Variants in LRRC4C observed in about 807,000 individuals in gnomAD.
LRRC4C encodes leucine rich repeat containing 4C.
A neutral mutation model predicts 33.6 loss-of-function variants in LRRC4C; 5 were observed. The ratio of observed to expected loss-of-function variants is 0.15; its 90% confidence interval spans 0.08 to 0.31. The LOEUF is 0.31. LRRC4C is among the 10% of genes least tolerant of loss of function. The pLI, the probability that LRRC4C is intolerant of heterozygous loss-of-function variation, is 1.00. For synonymous variants in LRRC4C, 329 were observed against 302.0 expected, an observed-to-expected ratio of 1.09 and a Z score of -0.93; for missense variants, 560 against 796.7, an observed-to-expected ratio of 0.70 and a Z score of 3.58.
chr11:40,600,475 T>G (rs969819078), intron 3 of LRRC4C, among the ~76,000 whole-genome samples: 9 of 152,226 alleles, frequency 5.9e-5, no homozygotes, highest in African/African-American at 1.9e-4. Context: ...AGGACACTGC[T>G]GGCATTTTGG....
At chr11:41,268,254 T>G (rs1648492173) in intron 1 of LRRC4C, among the ~76,000 whole-genome samples, 1 of 152,100 alleles carries the variant, frequency 6.6e-6, no homozygotes. Context: ...ACTGTATGGA[T>G]GGGATCACTG....
chr11:40,126,175 A>C (rs1194413207), intron 6 of LRRC4C, among the ~76,000 whole-genome samples: 1 of 151,910 alleles, frequency 6.6e-6, no homozygotes, highest in African/African-American at 2.4e-5. Flanking sequence ...AAAAAAAAAA[A>C]AACCCACCTG....
intron 6 of LRRC4C, among the ~76,000 whole-genome samples, chr11:40,125,194 T>C (rs1407017817): frequency 6.6e-6 from 1 of 152,076 alleles, no homozygotes; most frequent in African/African-American, 2.4e-5. Context: ...GGAAGTCAGC[T>C]GAGGGATTTC....
At chr11:40,209,077 A>C (rs939965218) in intron 5 of LRRC4C, among the ~76,000 whole-genome samples, 13 of 152,200 alleles carry the variant, frequency 8.5e-5, no homozygotes, top group African/African-American at 2.4e-4. Context: ...GGCAATTTAC[A>C]AAGGACATGT....
chr11:41,459,351 A>G (rs1370681298), intron 1 of LRRC4C, 80 bp downstream of exon 1: 1 of 152,086 alleles, frequency 6.6e-6, no homozygotes, highest in Non-Finnish European at 1.5e-5. Context: ...TAAACTGCAT[A>G]TACATTTCCG....
intron 1 of LRRC4C, among the ~76,000 whole-genome samples, chr11:41,114,357 C>G (rs1311360770): frequency 1.3e-5 from 2 of 152,080 alleles, no homozygotes; most frequent in African/African-American, 2.4e-5. Context: ...GGAAAGAGAA[C>G]AAAACCTTCC....
chr11:40,460,858 C>G (rs566348543), intron 3 of LRRC4C, among the ~76,000 whole-genome samples: 1 of 152,034 alleles, frequency 6.6e-6, no homozygotes, highest in Non-Finnish European at 1.5e-5. Context: ...ATGTGGAAAG[C>G]CTTCATATAA....
intron 1 of LRRC4C, among the ~76,000 whole-genome samples, chr11:41,377,994 A>T (rs1953002371): frequency 6.6e-6 from 1 of 152,140 alleles, no homozygotes; most frequent in Non-Finnish European, 1.5e-5. Flanking sequence ...TCCTTTGTTA[A>T]TGTTTAACTC....
intron 3 of LRRC4C, among the ~76,000 whole-genome samples, chr11:40,570,506 G>C (rs2135561114): frequency 1.3e-5 from 2 of 152,234 alleles, no homozygotes; most frequent in South Asian, 4.1e-4. Flanking sequence ...GGTTGCATGT[G>C]TCCCTCCACC....
chr11:40,511,891 A>G (rs1220256040), intron 3 of LRRC4C, among the ~76,000 whole-genome samples: 1 of 152,206 alleles, frequency 6.6e-6, no homozygotes, highest in African/African-American at 2.4e-5. Flanking sequence ...CACAAAAGTG[A>G]CTATTGTAGT....
At chr11:40,767,134 A>G (rs1037766326) in intron 2 of LRRC4C, among the ~76,000 whole-genome samples, 10 of 152,140 alleles carry the variant, frequency 6.6e-5, no homozygotes, top group Non-Finnish European at 1.2e-4. Flanking sequence ...AATAAAATAA[A>G]AAATATTTTA....
rs1190838451 is a variant in LRRC4C at position 40,690,210 on chromosome 11, T to A, written c.-406-41932A>T. Among the ~76,000 whole-genome samples, 11 of 152,228 alleles carry A rather than the reference T, an allele frequency of 7.2e-5. 1 individual carries two copies. Among genetic ancestry groups the A allele is most frequent in the Admixed American group, 5.2e-4 (8 of 15,264 alleles). ...GCTTACAGTGAACTAGACATTTTTT[T>A]ATGAGTTTTTCACGTACTTTATTAA... On this transcript the variant is annotated intron_variant, in intron 2 of 6. Transcript: ENST00000528697.
At chr11:41,168,089 C>T (rs1457683634) in intron 1 of LRRC4C, among the ~76,000 whole-genome samples, 1 of 152,044 alleles carries the variant, frequency 6.6e-6, no homozygotes, top group Non-Finnish European at 1.5e-5. Flanking sequence ...TCATTGACCA[C>T]CTATGAGCCA....
At chr11:40,927,450 T>G (rs536884872) in intron 2 of LRRC4C, among the ~76,000 whole-genome samples, 1 of 152,296 alleles carries the variant, frequency 6.6e-6, no homozygotes, top group East Asian at 1.9e-4. Context: ...ACAAAATATG[T>G]ATTTATTAAT....
chr11:40,852,241 G>C (rs1953545505), intron 2 of LRRC4C, among the ~76,000 whole-genome samples: 1 of 151,864 alleles, frequency 6.6e-6, no homozygotes, highest in African/African-American at 2.4e-5. Context: ...CATACCCTGA[G>C]GACCCTGGTG....
At chr11:41,121,253 T>C (rs1942415098) in intron 1 of LRRC4C, among the ~76,000 whole-genome samples, 1 of 152,134 alleles carries the variant, frequency 6.6e-6, no homozygotes, top group Admixed American at 6.6e-5. Context: ...TATCGGTCGG[T>C]CAAAAAGTCA....
rs112754265 is a variant in LRRC4C at position 40,315,569 on chromosome 11, T to A, written c.-176+4059A>T. Among the ~76,000 whole-genome samples the A allele has an allele frequency of 4.6e-4, 70 of 152,048 alleles. 4 individuals are homozygous for A. In the South Asian group the frequency reaches 0.012, roughly 27 times the overall value. ...ATCTATACATTCAGAGCAGCAGCAT[T>A]GTGAAACACTGTATAGTGTTTCATT... On this transcript the variant is annotated intron_variant, in intron 4 of 6. Transcript: ENST00000528697.
intron 3 of LRRC4C, among the ~76,000 whole-genome samples, chr11:40,422,694 A>C (rs1950563024): frequency 6.7e-6 from 1 of 150,116 alleles, no homozygotes; most frequent in Non-Finnish European, 1.5e-5. Context: ...TCATTTTACA[A>C]AAAAAAAAAG....
At chr11:40,781,078 G>C (rs1950193577) in intron 2 of LRRC4C, among the ~76,000 whole-genome samples, 1 of 152,092 alleles carries the variant, frequency 6.6e-6, no homozygotes, top group Non-Finnish European at 1.5e-5. Flanking sequence ...TACACACATA[G>C]AGTATATGGT....
Sources: allele counts gnomAD v4.1 joint callset (sites outside exome capture counted in the v4.1 genomes callset), GRCh38; gene constraint gnomAD v4.1.1; transcripts MANE v1.5; gene names NCBI Gene and HGNC (gene_info 2026-07-23, HGNC 2026-07-21).